TCERG1L: variants seen among roughly 807,000 people sequenced by gnomAD.
The protein encoded by TCERG1L is transcription elongation regulator 1 like.
TCERG1L carries 37 observed loss-of-function variants against 56.3 expected under a neutral mutation model. The ratio of observed to expected loss-of-function variants is 0.66; its 90% confidence interval spans 0.51 to 0.87. The LOEUF is 0.87. Ranked by LOEUF, TCERG1L falls within the 40% of genes least tolerant of loss-of-function variation. The pLI, the probability that TCERG1L is intolerant of heterozygous loss-of-function variation, is 0.00. For missense variants in TCERG1L, 799 were observed against 774.2 expected (o/e 1.03, Z -0.38); for synonymous variants, 324 against 326.3 (o/e 0.99, Z 0.08).
intron 3 of TCERG1L, among the ~76,000 whole-genome samples, chr10:131,294,164 C>T (rs2133576502): frequency 6.6e-6 from 1 of 152,304 alleles, no homozygotes; most frequent in East Asian, 1.9e-4. Flanking sequence ...AACTGTATAT[C>T]TGAAGAATGG....
In TCERG1L at chr10:131,093,115, G is replaced by A. The variant is rs377125292; in HGVS notation, c.*47C>T. ...TCTCCACCGTGACCCCCTCGCCCCC[G>A]GCACGCCCAGGGTCAACCCCCGGGC... On this transcript the variant is annotated 3_prime_UTR_variant, in exon 12 of 12. Transcript: ENST00000368642. 3.5e-5 allele frequency: 55 copies of A among 1,577,824 alleles called. No homozygotes were observed. Among genetic ancestry groups the A allele is most frequent in the Non-Finnish European group, 4.1e-5 (48 of 1,160,632 alleles).
chr10:131,108,613 G>A (rs1003932782), intron 9 of TCERG1L, among the ~76,000 whole-genome samples: 1 of 152,132 alleles, frequency 6.6e-6, no homozygotes, highest in Non-Finnish European at 1.5e-5. Flanking sequence ...AGTTTCTATC[G>A]CTGCATAAGC....
rs59976574 is a variant in TCERG1L at position 131,298,829 on chromosome 10, A to G, written c.670+9382T>C. ...CTGTTACTGTAAAGTAGACTGTTCT[A>G]TACATGTCAATCGGGTCAAGTTGTT... On this transcript the variant is annotated intron_variant, in intron 3 of 11. Transcript: ENST00000368642. Among the ~76,000 whole-genome samples, 1,111 of 152,364 alleles carry G rather than the reference A, an allele frequency of 7.3e-3. 14 individuals are homozygous for G. The highest frequency in any genetic ancestry group is 0.025 in the African/African-American group (1,049 of 41,582).
At chr10:131,213,270 G>C (rs1302544350) in intron 4 of TCERG1L, among the ~76,000 whole-genome samples, 2 of 152,182 alleles carry the variant, frequency 1.3e-5, no homozygotes, top group Non-Finnish European at 2.9e-5. Context: ...GAAAGGCCCA[G>C]ACTCATCAGA....
At chr10:131,229,892 C>A (rs182184079) in intron 4 of TCERG1L, among the ~76,000 whole-genome samples, 1 of 152,162 alleles carries the variant, frequency 6.6e-6, no homozygotes, top group East Asian at 1.9e-4. Context: ...ACCTTCTGAA[C>A]GAAGCGCTGA....
intron 6 of TCERG1L, among the ~76,000 whole-genome samples, chr10:131,157,331 TAATA>T (rs1357378508): frequency 6.6e-6 from 1 of 152,196 alleles, no homozygotes; most frequent in Non-Finnish European, 1.5e-5. Context: ...AACCAATATT[TAATA>T]TATATTTTTT....
chr10:131,235,838 T>C (rs991593143), intron 4 of TCERG1L, among the ~76,000 whole-genome samples: 5 of 152,364 alleles, frequency 3.3e-5, no homozygotes, highest in Admixed American at 3.3e-4. Context: ...TGCTCTGTAC[T>C]TCTGTTGTGT....
chr10:131,307,862 G>A (rs1376796114), intron 3 of TCERG1L, among the ~76,000 whole-genome samples: 1 of 152,024 alleles, frequency 6.6e-6, no homozygotes, highest in Admixed American at 6.6e-5. Flanking sequence ...GCCACAGAGA[G>A]GCAACATTTT....
chr10:131,311,683 G>A lies in TCERG1L; in HGVS notation c.-48C>T. The A allele has an allele frequency of 2.0e-6, 2 of 996,550 alleles. No individual in the cohort carries two copies. Among genetic ancestry groups the A allele is most frequent in the Non-Finnish European group, 2.5e-6 (2 of 812,030 alleles). The allele number at this position is 996,550 out of a possible 1,614,324, so 61.7% of individuals were successfully genotyped here. A position where few individuals can be genotyped will look rare whatever the true frequency, so the allele number is the denominator to read the frequency against. ...GGCGGCGGGGGCGGCGGGCGCCCGA[G>A]ATGCTGGGCCGGCGGCGGCGCGGCT... On this transcript the variant is annotated 5_prime_UTR_variant, in exon 1 of 12. Coordinates refer to ENST00000368642, the MANE Select transcript of TCERG1L (RefSeq NM_174937.4). This position sits in a 1 kb window ranked among gnomAD's most constrained non-coding sequence, Gnocchi z 4.0.
At chr10:131,304,266 G>GATTGATATT (rs1312936896) in intron 3 of TCERG1L, among the ~76,000 whole-genome samples, 4 of 151,936 alleles carry the variant, frequency 2.6e-5, no homozygotes, top group Non-Finnish European at 5.9e-5. Context: ...TCCTCCCACT[G>GATTGATATT]CTTGATATTC....
chr10:131,251,190 C>T (rs985515671), intron 4 of TCERG1L, among the ~76,000 whole-genome samples: 3 of 152,174 alleles, frequency 2.0e-5, no homozygotes, highest in Non-Finnish European at 4.4e-5. Context: ...CTCTTCGTTC[C>T]CCTGGAGCTC....
chr10:131,264,623 G>A (rs556189457), intron 3 of TCERG1L, among the ~76,000 whole-genome samples: 1 of 152,288 alleles, frequency 6.6e-6, no homozygotes, highest in East Asian at 1.9e-4. Flanking sequence ...AAAGGCTCGG[G>A]CCCTGGGGCC....
chr10:131,309,550 A>C (rs1846856610), intron 1 of TCERG1L, among the ~76,000 whole-genome samples: 1 of 152,312 alleles, frequency 6.6e-6, no homozygotes, highest in Admixed American at 6.5e-5. Flanking sequence ...AGAACTTCTA[A>C]GCACAAAACC....
At chr10:131,135,847 C>T (rs76885129) in intron 7 of TCERG1L, among the ~76,000 whole-genome samples, 1,717 of 152,350 alleles carry the variant, frequency 0.011, 22 homozygotes, top group African/African-American at 0.039. Context: ...GGAAGGAATT[C>T]CCATGGGCAG....
chr10:131,093,053 G>A lies in TCERG1L; in HGVS notation c.*109C>T. 1.7e-6 allele frequency: 2 copies of A among 1,178,056 alleles called. No individual in the cohort carries two copies. The highest frequency in any genetic ancestry group is 2.8e-4 in the Middle Eastern group (1 of 3,514). 73.0% of individuals were successfully genotyped at this position (1,178,056 alleles called of 1,614,324 possible). A position where few individuals can be genotyped will look rare whatever the true frequency, so the allele number is the denominator to read the frequency against. On this transcript the variant is annotated 3_prime_UTR_variant, in exon 12 of 12. Coordinates refer to ENST00000368642, the MANE Select transcript of TCERG1L (RefSeq NM_174937.4). Reference sequence around the variant, plus strand: ...GACCCCGCAGTGCCGGTGCCCGCTGGGCCGTGCAGGTCTCGGCCGCCCCAC... The same window carrying A: ...GACCCCGCAGTGCCGGTGCCCGCTGAGCCGTGCAGGTCTCGGCCGCCCCAC...
At chr10:131,116,180 T>C (rs896683095) in intron 9 of TCERG1L, among the ~76,000 whole-genome samples, 3 of 152,144 alleles carry the variant, frequency 2.0e-5, no homozygotes, top group Non-Finnish European at 2.9e-5. Flanking sequence ...GAGATCTGAA[T>C]ACAAAATCCC....
chr10:131,215,690 A>G (rs1845663109), intron 4 of TCERG1L, among the ~76,000 whole-genome samples: 1 of 152,160 alleles, frequency 6.6e-6, no homozygotes, highest in Non-Finnish European at 1.5e-5. Context: ...AGGGAAGAGG[A>G]GGGGAAGTCA....
At chr10:131,190,288 T>C (rs75958618) in intron 4 of TCERG1L, among the ~76,000 whole-genome samples, 1,765 of 152,144 alleles carry the variant, frequency 0.012, 34 homozygotes, top group African/African-American at 0.04. Context: ...AATTTTAAAA[T>C]TGCCACACAA....
chr10:131,171,984 T>A (rs1044053206), intron 4 of TCERG1L, among the ~76,000 whole-genome samples: 1 of 152,238 alleles, frequency 6.6e-6, no homozygotes, highest in Admixed American at 6.5e-5. Flanking sequence ...TAGAAATATA[T>A]CAGTATCTCC....
Sources: gnomAD v4.1 joint callset for allele counts (sites outside exome capture counted in the v4.1 genomes callset) on GRCh38, gnomAD v4.1.1 for gene constraint, Gnocchi (gnomAD v3.1) non-coding constraint, MANE v1.5 for transcripts, NCBI Gene and HGNC (gene_info 2026-07-23, HGNC 2026-07-21) for gene names.